The following COL26A1 variants were observed in gnomAD, a reference collection of about 807,000 sequenced individuals.
The protein encoded by COL26A1 is collagen alpha-1(XXVI) chain.
COL26A1 carries 41 observed loss-of-function variants against 59.3 expected under a neutral mutation model. That is an observed-to-expected ratio of 0.69 (90% CI 0.54 to 0.90). COL26A1 has a LOEUF of 0.90. Ranked by LOEUF, COL26A1 falls within the 40% of genes least tolerant of loss-of-function variation. The probability of loss-of-function intolerance (pLI) is 0.00; values close to 1 mark genes in which losing one functional copy is unlikely to be tolerated. For synonymous variants in COL26A1, 266 were observed against 256.0 expected, an observed-to-expected ratio of 1.04 and a Z score of -0.37; for missense variants, 612 against 602.3, an observed-to-expected ratio of 1.02 and a Z score of -0.17.
At chr7:101,555,712 A>G (rs1795958397) in intron 11 of COL26A1, 75 bp from the exon 12 acceptor site, 5 of 1,099,678 alleles carry the variant, frequency 4.5e-6, no homozygotes, top group Non-Finnish European at 6.7e-6. Context: ...GGACACATAC[A>G]CTGTCACTGT....
chr7:101,489,996 G>C (rs1235285916), intron 3 of COL26A1, among the ~76,000 whole-genome samples: 1 of 148,190 alleles, frequency 6.7e-6, no homozygotes, highest in East Asian at 2.0e-4. Context: ...GAGTGCAATG[G>C]CCCGATCTCG....
At chr7:101,506,818 T>C (rs373800426) in intron 3 of COL26A1, among the ~76,000 whole-genome samples, 10 of 152,172 alleles carry the variant, frequency 6.6e-5, no homozygotes, top group African/African-American at 2.4e-4. Flanking sequence ...CTGAGATTCA[T>C]ACCTTTCTGT....
At chr7:101,543,297 G>A (rs1055953174) in intron 5 of COL26A1, among the ~76,000 whole-genome samples, 3 of 152,018 alleles carry the variant, frequency 2.0e-5, no homozygotes, top group African/African-American at 7.2e-5. Flanking sequence ...AACGTCCCCA[G>A]TAGCTGGGGC....
chr7:101,522,026 T>C (rs1019763723), intron 3 of COL26A1, among the ~76,000 whole-genome samples: 5 of 152,198 alleles, frequency 3.3e-5, no homozygotes, highest in Non-Finnish European at 5.9e-5. Context: ...AATAGGAATT[T>C]GGGCTGTTTC....
In COL26A1 at chr7:101,444,350, A is replaced by G. The variant is rs568378449; in HGVS notation, c.282-3334A>G. ...ATAATTGGGAAAAAGGTCAGAGTAG[A>G]TGATAGTTGAAAATTTTGCAGGTCC... On this transcript the variant is annotated intron_variant, in intron 2 of 12. Transcript: ENST00000313669. Among the ~76,000 whole-genome samples the G allele has an allele frequency of 7.2e-5, 11 of 151,928 alleles. No individual in the cohort carries two copies. The East Asian group carries it at 1.9e-3, about 27-fold the overall frequency.
In COL26A1 at chr7:101,489,601, T is replaced by C. The variant is rs187994096; in HGVS notation, c.385+41814T>C. 1.7e-3 allele frequency among the ~76,000 whole-genome samples: 182 copies of C among 105,230 alleles called. 2 individuals are homozygous for C. The highest frequency in any genetic ancestry group is 0.011 in the Middle Eastern group (2 of 184). 69.0% of individuals were successfully genotyped at this position (105,230 alleles called of 152,430 possible). ...CACCACACTCGGCTATTTTCTTTCT[T>C]TTTCTTTCTTTCTTTCTTTCTTTCT... On this transcript the variant is annotated intron_variant, in intron 3 of 12. Transcript: ENST00000313669.
intron 7 of COL26A1, among the ~76,000 whole-genome samples, chr7:101,546,387 G>A (rs976210729): frequency 3.1e-4 from 47 of 149,356 alleles, no homozygotes; most frequent in African/African-American, 1.1e-3. Flanking sequence ...GGCATGTATC[G>A]CCACATCTAA....
chr7:101,507,228 C>T (rs1445436075), intron 3 of COL26A1, among the ~76,000 whole-genome samples: 1 of 152,122 alleles, frequency 6.6e-6, no homozygotes, highest in Non-Finnish European at 1.5e-5. Context: ...CCTAGAACCA[C>T]TTCTAATTCT....
At position 101,401,761 on chromosome 7, in the gene COL26A1, AG is replaced by A. The variant is rs576456485; in HGVS notation, c.159-18214del. Among the ~76,000 whole-genome samples the A allele has an allele frequency of 4.2e-3, 562 of 134,556 alleles. 3 individuals are homozygous for A. Among genetic ancestry groups the A allele is most frequent in the African/African-American group, 0.016 (516 of 32,594 alleles). The allele number at this position is 134,556 out of a possible 152,430, so 88.3% of individuals were successfully genotyped here. ...AAGGAGGAGGAAGAGGAGGAAGAGGAGGAGGGAGAAGAGGAGGAGGAGGAGG... is the reference window on the plus strand; with the variant it reads ...AAGGAGGAGGAAGAGGAGGAAGAGGAGAGGGAGAAGAGGAGGAGGAGGAGG... On this transcript the variant is annotated intron_variant, in intron 1 of 12. Coordinates refer to ENST00000313669, the MANE Select transcript of COL26A1 (RefSeq NM_001278563.3).
intron 1 of COL26A1, among the ~76,000 whole-genome samples, chr7:101,386,981 G>T (rs1791591944): frequency 6.6e-6 from 1 of 152,042 alleles, no homozygotes; most frequent in Non-Finnish European, 1.5e-5. Context: ...CCAGAACCTG[G>T]CCACGCCCCT....
intron 1 of COL26A1, among the ~76,000 whole-genome samples, chr7:101,397,953 G>A (rs1215284919): frequency 1.3e-5 from 2 of 152,176 alleles, no homozygotes; most frequent in African/African-American, 2.4e-5. Context: ...GGGCTCTGGT[G>A]TGCCCAGGTA....
intron 3 of COL26A1, among the ~76,000 whole-genome samples, chr7:101,481,746 C>T (rs762239866): frequency 3.8e-4 from 57 of 151,984 alleles, no homozygotes; most frequent in Non-Finnish European, 7.1e-4. Context: ...CCACCCCACC[C>T]GGCCAATTTT....
chr7:101,458,844 C>T (rs116089564), intron 3 of COL26A1, among the ~76,000 whole-genome samples: 1,500 of 143,634 alleles, frequency 0.01, 27 homozygotes, highest in African/African-American at 0.037. Flanking sequence ...CTTTGTTGCT[C>T]GGCCTGGAGT....
At chr7:101,443,116 TA>T (rs5886184) in intron 2 of COL26A1, among the ~76,000 whole-genome samples, 137,361 of 152,108 alleles carry the variant, frequency 0.9, 62,501 homozygotes, top group African/African-American at 0.98. Context: ...CATCATCGCA[TA>T]CCAGAGTCAC....
chr7:101,384,082 C>A (rs12333790), intron 1 of COL26A1, among the ~76,000 whole-genome samples: 1,817 of 152,214 alleles, frequency 0.012, 39 homozygotes, highest in African/African-American at 0.041. Flanking sequence ...GATGCAATCA[C>A]TCTTTACTGC....
In COL26A1 at chr7:101,507,442, G is replaced by A. The variant is rs186265394; in HGVS notation, c.386-25640G>A. Among the ~76,000 whole-genome samples the A allele has an allele frequency of 3.9e-3, 594 of 151,500 alleles. 3 individuals are homozygous for A. The highest frequency in any genetic ancestry group is 9.5e-3 in the African/African-American group (395 of 41,372). Reference sequence around the variant, plus strand: ...TTTTTGTTGGGTGGGGGGAGCAGGAGACAGAATCTTACCCTGTTGCCCTGG... The same window carrying A: ...TTTTTGTTGGGTGGGGGGAGCAGGAAACAGAATCTTACCCTGTTGCCCTGG... On this transcript the variant is annotated intron_variant, in intron 3 of 12. Coordinates refer to ENST00000313669, the MANE Select transcript of COL26A1 (RefSeq NM_001278563.3).
chr7:101,418,717 C>T (rs148233023), intron 1 of COL26A1, among the ~76,000 whole-genome samples: 1,575 of 152,012 alleles, frequency 0.01, 16 homozygotes, highest in Non-Finnish European at 0.015. Flanking sequence ...CCATCCTCCT[C>T]GGACCCCAAA....
At chr7:101,383,557 CAG>C (rs1374935308) in intron 1 of COL26A1, among the ~76,000 whole-genome samples, 9 of 149,312 alleles carry the variant, frequency 6.0e-5, no homozygotes, top group African/African-American at 2.2e-4. Context: ...TTTTATGAGA[CAG>C]AGTCTCGCTC....
At chr7:101,443,633 G>A (rs1377924924) in intron 2 of COL26A1, among the ~76,000 whole-genome samples, 2 of 152,126 alleles carry the variant, frequency 1.3e-5, no homozygotes, top group African/African-American at 2.4e-5. Flanking sequence ...GACAATGCAC[G>A]TAAAGTGAAT....
Sources: allele counts gnomAD v4.1 joint callset (sites outside exome capture counted in the v4.1 genomes callset), GRCh38; gene constraint gnomAD v4.1.1; transcripts MANE v1.5; gene names NCBI Gene and HGNC (gene_info 2026-07-23, HGNC 2026-07-21).